Variants in SNX25 observed in about 807,000 individuals in gnomAD.
SNX25 encodes the protein sorting nexin-25.
Under a neutral mutation model 113.7 loss-of-function variants are expected in SNX25, and 62 were observed. The observed-to-expected ratio is 0.55, with a 90% CI of 0.44 to 0.67. The LOEUF (loss-of-function observed/expected upper bound fraction) is 0.67. Ranked by LOEUF, SNX25 falls within the 30% of genes least tolerant of loss-of-function variation. The pLI, the probability that SNX25 is intolerant of heterozygous loss-of-function variation, is 0.00. For missense variants in SNX25, 1,014 were observed against 1,161.0 expected, an observed-to-expected ratio of 0.87 and a Z score of 1.84; for synonymous variants, 421 against 436.2, an observed-to-expected ratio of 0.97 and a Z score of 0.43.
intron 7 of SNX25, among the ~76,000 whole-genome samples, chr4:185,318,589 A>G (rs1283842520): frequency 6.6e-6 from 1 of 152,230 alleles, no homozygotes; most frequent in Non-Finnish European, 1.5e-5. Context: ...AGGGTATAAC[A>G]TTATTTGTAG....
chr4:185,374,447 G>A (rs1369180221), downstream of SNX25: 6 of 1,611,810 alleles, frequency 3.7e-6, no homozygotes, highest in African/African-American at 2.7e-5. Context: ...TCTTCATATA[G>A]TCCACCCCTT....
At chr4:185,315,289 G>A (rs1259438578) in intron 7 of SNX25, among the ~76,000 whole-genome samples, 1 of 124,190 alleles carries the variant, frequency 8.1e-6, no homozygotes, top group African/African-American at 3.4e-5. Flanking sequence ...CATTTCACTG[G>A]TGATTTTTTT....
intron 2 of SNX25, among the ~76,000 whole-genome samples, chr4:185,247,762 A>G (rs572125907): frequency 7.9e-5 from 12 of 152,322 alleles, no homozygotes; most frequent in Admixed American, 2.0e-4. Context: ...GTTAAACCCA[A>G]CTAAGTGATA....
intron 1 of SNX25, among the ~76,000 whole-genome samples, chr4:185,243,914 C>T (rs926565789): frequency 6.6e-6 from 1 of 152,174 alleles, no homozygotes; most frequent in African/African-American, 2.4e-5. Context: ...GAATATGCTT[C>T]AGATATGCAT....
At chr4:185,212,491 G>GTGTGTGTTTTTGTTTTTTTT (rs546083196) in intron 1 of SNX25, among the ~76,000 whole-genome samples, 3 of 104,940 alleles carry the variant, frequency 2.9e-5, no homozygotes, top group East Asian at 2.7e-4. Context: ...GTGTGTGTGT[G>GTGTGTGTTTTTGTTTTTTTT]TTTTTTTTTT....
At chr4:185,215,581 T>G (rs561654769) in intron 1 of SNX25, among the ~76,000 whole-genome samples, 1 of 152,212 alleles carries the variant, frequency 6.6e-6, no homozygotes, top group Non-Finnish European at 1.5e-5. Flanking sequence ...TGTGGCTTTT[T>G]CCTTTATTAT....
At chr4:185,244,272 C>T (rs1461917867) in intron 1 of SNX25, among the ~76,000 whole-genome samples, 2 of 152,228 alleles carry the variant, frequency 1.3e-5, no homozygotes, top group Non-Finnish European at 2.9e-5. Flanking sequence ...GGATTATAGG[C>T]GTGAGCCACC....
downstream of SNX25, chr4:185,370,935 A>G (rs886768369): frequency 2.7e-6 from 3 of 1,100,182 alleles, no homozygotes; most frequent in African/African-American, 4.7e-5. Flanking sequence ...TTTGAGAACT[A>G]AGTTGTTTGC....
intron 5 of SNX25, among the ~76,000 whole-genome samples, chr4:185,282,242 A>G (rs535259187): frequency 2.2e-4 from 33 of 151,326 alleles, no homozygotes; most frequent in African/African-American, 7.3e-4. Context: ...GCTCACTGCA[A>G]CCTCCACCTC....
intron 1 of SNX25, among the ~76,000 whole-genome samples, chr4:185,240,778 G>A (rs1400740132): frequency 3.1e-4 from 47 of 150,548 alleles, no homozygotes; most frequent in Admixed American, 5.3e-4. Flanking sequence ...GCTGCCGAGC[G>A]GAGGGGCTCC....
At chr4:185,213,622 C>G (rs1485757583) in intron 1 of SNX25, among the ~76,000 whole-genome samples, 3 of 152,152 alleles carry the variant, frequency 2.0e-5, no homozygotes, top group African/African-American at 7.2e-5. Context: ...GGTTGTCTTT[C>G]TATCTTCTGC....
At chr4:185,286,350 G>A (rs1476180849) in intron 5 of SNX25, among the ~76,000 whole-genome samples, 1 of 152,106 alleles carries the variant, frequency 6.6e-6, no homozygotes, top group Non-Finnish European at 1.5e-5. Flanking sequence ...TGGCCTCAAA[G>A]CAATCCTCCC....
At chr4:185,374,429 A>C, downstream of SNX25, 1 of 1,614,122 alleles carries the variant, frequency 6.2e-7, no homozygotes, top group Non-Finnish European at 8.5e-7. Flanking sequence ...ATGGAGAATC[A>C]AGAATTTTCT....
At chr4:185,344,614 C>T (rs950744655) in intron 12 of SNX25, among the ~76,000 whole-genome samples, 1 of 151,768 alleles carries the variant, frequency 6.6e-6, no homozygotes, top group African/African-American at 2.4e-5. Flanking sequence ...CGCAGCCTGT[C>T]TCAAAGTTAC....
chr4:185,353,436 A>G (rs752186209), intron 14 of SNX25, 49 bp from the exon 15 acceptor site: 425 of 1,444,476 alleles, frequency 2.9e-4, no homozygotes, highest in Non-Finnish European at 4.0e-4. Context: ...AACTCTACCA[A>G]TTTTCTTGGA....
At chr4:185,245,679 C>A (rs1426258354) in intron 1 of SNX25, among the ~76,000 whole-genome samples, 1 of 152,098 alleles carries the variant, frequency 6.6e-6, no homozygotes, top group Non-Finnish European at 1.5e-5. Context: ...ACATCACTTG[C>A]TGGTATACAG....
chr4:185,271,600 A>G (rs906410967), intron 5 of SNX25, among the ~76,000 whole-genome samples: 1 of 152,212 alleles, frequency 6.6e-6, no homozygotes, highest in Non-Finnish European at 1.5e-5. Context: ...TTTTTCTGGT[A>G]CAATTATAGT....
At chr4:185,253,635 A>AT (rs1745989125) in intron 2 of SNX25, among the ~76,000 whole-genome samples, 1 of 151,930 alleles carries the variant, frequency 6.6e-6, no homozygotes, top group Non-Finnish European at 1.5e-5. Flanking sequence ...CGCCCGGCTA[A>AT]TTTTTGTATT....
intron 12 of SNX25, among the ~76,000 whole-genome samples, chr4:185,344,284 A>G (rs916035469): frequency 6.6e-6 from 1 of 151,986 alleles, no homozygotes; most frequent in African/African-American, 2.4e-5. Flanking sequence ...TTTTAAAGAG[A>G]GGGTTTGGAA....
Sources: allele counts gnomAD v4.1 joint callset (sites outside exome capture counted in the v4.1 genomes callset), GRCh38; gene constraint gnomAD v4.1.1; transcripts MANE v1.5; gene names NCBI Gene and HGNC (gene_info 2026-07-23, HGNC 2026-07-21).